HABP2: variants seen among roughly 807,000 people sequenced by gnomAD.
HABP2 encodes the protein factor VII-activating protease.
A neutral mutation model predicts 66.5 loss-of-function variants in HABP2; 65 were observed. The observed-to-expected ratio is 0.98, with a 90% CI of 0.80 to 1.20. HABP2 has a LOEUF of 1.20. Among genes scored for constraint, HABP2 ranks in the 50% most tolerant of loss-of-function variants. The probability of loss-of-function intolerance (pLI) is 0.00; values close to 1 mark genes in which losing one functional copy is unlikely to be tolerated. For missense variants in HABP2, 786 were observed against 691.0 expected (o/e 1.14, Z -1.54); for synonymous variants, 263 against 253.9 (o/e 1.04, Z -0.34).
At position 113,581,874 on chromosome 10, in the gene HABP2, A is replaced by T; in HGVS notation, c.839-2A>T. On this transcript the variant is annotated splice_acceptor_variant, in intron 8 of 12. Coordinates refer to ENST00000351270, the MANE Select transcript of HABP2 (RefSeq NM_004132.5). LOFTEE classifies it high-confidence loss of function. ...ACAATTTATCTTTCTTGTGTCCCAC[A>T]GACGTTGCCTACCCAGAGGAAAGCC... 6.2e-7 allele frequency: 1 copy of T among 1,613,990 alleles called. No homozygotes were observed. Among genetic ancestry groups the T allele is most frequent in the South Asian group, 1.1e-5 (1 of 91,068 alleles).
At chr10:113,586,461 C>CAT (rs1845634924) in intron 12 of HABP2, among the ~76,000 whole-genome samples, 1 of 94,674 alleles carries the variant, frequency 1.1e-5, no homozygotes, top group African/African-American at 3.7e-5. Context: ...CTCATGTGTG[C>CAT]GTGTGTGTGT....
At chr10:113,569,981 TGA>T (rs1414341718) in intron 2 of HABP2, 1 of 152,270 alleles carries the variant, frequency 6.6e-6, no homozygotes, top group Admixed American at 6.5e-5. Flanking sequence ...GAGCATTTTC[TGA>T]GAGACCCCAA....
At chr10:113,565,802 T>C (rs1414045858) in intron 1 of HABP2, among the ~76,000 whole-genome samples, 1 of 152,242 alleles carries the variant, frequency 6.6e-6, no homozygotes, top group Admixed American at 6.5e-5. Flanking sequence ...TCCTCCCATC[T>C]TTTTTTGTCT....
intron 4 of HABP2, 38 bp from the exon 5 acceptor site, chr10:113,577,112 T>C (rs757352431): frequency 8.9e-7 from 1 of 1,118,660 alleles, no homozygotes; most frequent in South Asian, 1.2e-5. Context: ...AAGGAAAATG[T>C]GCCCCAAATA....
intron 1 of HABP2, among the ~76,000 whole-genome samples, chr10:113,558,609 A>G (rs3781385): frequency 0.36 from 54,462 of 152,152 alleles, 10,417 homozygotes; most frequent in East Asian, 0.61. Context: ...CTGTTACTTC[A>G]CATCCTGGCT....
At position 113,576,059 on chromosome 10, in the gene HABP2, C is replaced by G; in HGVS notation, c.331+55C>G. On this transcript the variant is annotated intron_variant, in intron 4 of 12. Coordinates refer to ENST00000351270, the MANE Select transcript of HABP2 (RefSeq NM_004132.5). Reference sequence around the variant, plus strand: ...CCTCTGAGTTAAACAAGAGGCAGTCCTTTCTGTGTGAGAAAGCACTGCGCA... The same window carrying G: ...CCTCTGAGTTAAACAAGAGGCAGTCGTTTCTGTGTGAGAAAGCACTGCGCA... 7 of 963,590 alleles carry G rather than the reference C, an allele frequency of 7.3e-6. No homozygotes were observed. The South Asian group carries it at 9.2e-5, about 13-fold the overall frequency. The allele number at this position is 963,590 out of a possible 1,614,324, so 59.7% of individuals were successfully genotyped here.
At chr10:113,577,978 T>G in intron 5 of HABP2, 48 bp from the exon 6 acceptor site, 1 of 1,604,070 alleles carries the variant, frequency 6.2e-7, no homozygotes, top group Non-Finnish European at 8.5e-7. Context: ...AGACATGGGC[T>G]GCAACTCCTT....
intron 3 of HABP2, among the ~76,000 whole-genome samples, chr10:113,574,972 C>T (rs1845382924): frequency 6.6e-6 from 1 of 152,018 alleles, no homozygotes; most frequent in Non-Finnish European, 1.5e-5. Flanking sequence ...TATTCATACA[C>T]ATGTGCTCCT....
Position 113,578,016 on chromosome 10 carries a change from G to A in HABP2, c.449-10G>A. 6.2e-7 allele frequency: 1 copy of A among 1,613,804 alleles called. No homozygotes were observed. The highest frequency in any genetic ancestry group is 8.5e-7 in the Non-Finnish European group (1 of 1,179,948). On this transcript the variant is annotated splice_polypyrimidine_tract_variant and intron_variant, in intron 5 of 12. Transcript: ENST00000351270. The stretch of plus-strand genomic sequence containing the variant: ...GAAGAGCCTTCCTGGCCCCATTCCT[G>A]TGTTCACAGTGGTTCCTGTATGCAG...
At position 113,578,588 on chromosome 10, in the gene HABP2, T is replaced by A. The variant is rs752330951; in HGVS notation, c.569-39T>A. On this transcript the variant is annotated intron_variant, in intron 6 of 12. Transcript: ENST00000351270. ...GCCCTTTTTGGGAGTGGCATGCCAATGGCTGTTGGTTCTCACATTGCTACC... is the reference window on the plus strand; with the variant it reads ...GCCCTTTTTGGGAGTGGCATGCCAAAGGCTGTTGGTTCTCACATTGCTACC... 2.0e-6 allele frequency: 3 copies of A among 1,508,392 alleles called. No individual in the cohort carries two copies. In the East Asian group the frequency reaches 6.8e-5, roughly 34 times the overall value. 93.4% of individuals were successfully genotyped at this position (1,508,392 alleles called of 1,614,324 possible).
chr10:113,589,454 A>ACTT lies in HABP2; in HGVS notation c.*1087_*1089dup, dbSNP rs1470592842. On this transcript the variant is annotated 3_prime_UTR_variant, in exon 13 of 13. Transcript: ENST00000351270. Reference sequence around the variant, plus strand: ...TGCCTCTGCAGAACTAATGGCTGTGACTTCAGAGAAAGCCCTGCAGGAAGT... The same window carrying ACTT: ...TGCCTCTGCAGAACTAATGGCTGTGACTTCTTCAGAGAAAGCCCTGCAGGAAGT... 2 of 618,212 alleles carry ACTT rather than the reference A, an allele frequency of 3.2e-6. No homozygotes were observed. Among genetic ancestry groups the ACTT allele is most frequent in the Non-Finnish European group, 5.6e-6 (2 of 358,954 alleles). The allele number at this position is 618,212 out of a possible 1,614,324, so 38.3% of individuals were successfully genotyped here.
chr10:113,556,535 T>C (rs4364992), intron 1 of HABP2, among the ~76,000 whole-genome samples: 146,960 of 152,082 alleles, frequency 0.97, 71,082 homozygotes, highest in East Asian at 1. Flanking sequence ...ATAGCAAGAC[T>C]CTGTCTCTAT....
chr10:113,578,028 G>T lies in HABP2; in HGVS notation c.451G>T (p.Val151Phe). The change falls in exon 6 of 13, where the codon GTT becomes TTT. Residue 151 changes from valine (V) to phenylalanine (F), a missense_variant and splice_region_variant. Physicochemically the swap from Val to Phe is conservative, Grantham distance 50 (BLOSUM62 -1). Coordinates refer to ENST00000351270, the MANE Select transcript of HABP2 (RefSeq NM_004132.5). Reference protein sequence around the residue: ...PYTGPSCSQVVPVCRPNPCQN... With the variant: ...PYTGPSCSQVFPVCRPNPCQN... ...TGGCCCCATTCCTGTGTTCACAGTG[G>T]TTCCTGTATGCAGGCCAAACCCCTG... 6.2e-7 allele frequency: 1 copy of T among 1,614,076 alleles called. No homozygotes were observed. The highest frequency in any genetic ancestry group is 8.5e-7 in the Non-Finnish European group (1 of 1,180,020).
chr10:113,561,935 C>T (rs1439752830), intron 1 of HABP2, among the ~76,000 whole-genome samples: 1 of 152,194 alleles, frequency 6.6e-6, no homozygotes, highest in Non-Finnish European at 1.5e-5. Context: ...GACTCAGAGA[C>T]TCGGGATCCT....
At chr10:113,573,437 C>T (rs1020342984) in intron 2 of HABP2, among the ~76,000 whole-genome samples, 1 of 152,150 alleles carries the variant, frequency 6.6e-6, no homozygotes, top group African/African-American at 2.4e-5. Flanking sequence ...ACACATTTTC[C>T]CAAGGGTAAG....
intron 12 of HABP2, among the ~76,000 whole-genome samples, chr10:113,586,601 C>T (rs1014400440): frequency 5.3e-5 from 8 of 151,904 alleles, no homozygotes; most frequent in African/African-American, 1.9e-4. Context: ...GGTGGTGGCT[C>T]CATCAACCAA....
chr10:113,564,560 G>A (rs1398689164), intron 1 of HABP2, among the ~76,000 whole-genome samples: 1 of 152,068 alleles, frequency 6.6e-6, no homozygotes, highest in Non-Finnish European at 1.5e-5. Context: ...GGTTAGCCAG[G>A]AAGTCATTAG....
At chr10:113,555,947 T>C (rs1038698310) in intron 1 of HABP2, among the ~76,000 whole-genome samples, 12 of 152,182 alleles carry the variant, frequency 7.9e-5, no homozygotes, top group East Asian at 5.8e-4. Context: ...TCAGCCATAA[T>C]GGAATTTGGC....
intron 7 of HABP2, among the ~76,000 whole-genome samples, chr10:113,579,302 G>A (rs1484732150): frequency 6.6e-6 from 1 of 152,048 alleles, no homozygotes; most frequent in African/African-American, 2.4e-5. Context: ...TGTTCCATGT[G>A]TCATGTGGGT....
Sources: allele counts gnomAD v4.1 joint callset (sites outside exome capture counted in the v4.1 genomes callset), GRCh38; gene constraint gnomAD v4.1.1; transcripts MANE v1.5; gene names NCBI Gene and HGNC (gene_info 2026-07-23, HGNC 2026-07-21).